The following MICU3 variants were observed in gnomAD, a reference collection of about 807,000 sequenced individuals.
MICU3 encodes calcium uptake protein 3, mitochondrial.
In MICU3, 62 loss-of-function variants were observed where a neutral mutation model predicts 66.5. The observed-to-expected ratio is 0.93, with a 90% CI of 0.76 to 1.15. The LOEUF is 1.15. MICU3 is among the 50% of genes most tolerant of loss of function. The pLI is 0.00. For synonymous variants in MICU3, 308 were observed against 240.7 expected (o/e 1.28, Z -2.59); for missense variants, 779 against 664.4 (o/e 1.17, Z -1.90).
the MICU3 span, among the ~76,000 whole-genome samples, chr8:17,133,495 T>TTA: frequency 1.1e-4 from 16 of 152,186 alleles, no homozygotes; most frequent in South Asian, 2.1e-4. Context: ...TCAGTTTTAT[T>TTA]TATATATATA....
chr8:17,077,771 C>T lies in MICU3; in HGVS notation c.568-12C>T, dbSNP rs1820600085. Reference sequence around the variant, plus strand: ...GTTTACCAATTCATCAGTAGTATAACTTCTGTCATAGGAATTAAATCAAAT... The same window carrying T: ...GTTTACCAATTCATCAGTAGTATAATTTCTGTCATAGGAATTAAATCAAAT... On this transcript the variant is annotated splice_polypyrimidine_tract_variant and intron_variant, in intron 3 of 14. Coordinates refer to ENST00000318063, the MANE Select transcript of MICU3 (RefSeq NM_181723.3). 1.3e-6 allele frequency: 2 copies of T among 1,595,934 alleles called. No homozygotes were observed. Among genetic ancestry groups the T allele is most frequent in the Non-Finnish European group, 1.7e-6 (2 of 1,165,312 alleles).
At chr8:17,105,049 A>G (rs1448493610) in intron 10 of MICU3, among the ~76,000 whole-genome samples, 4 of 149,424 alleles carry the variant, frequency 2.7e-5, no homozygotes, top group Non-Finnish European at 6.0e-5. Context: ...ATTGATTGTT[A>G]TCTCTTGTAT....
intron 2 of MICU3, among the ~76,000 whole-genome samples, chr8:17,065,862 A>G (rs1818591716): frequency 6.6e-6 from 1 of 152,194 alleles, no homozygotes; most frequent in Admixed American, 6.5e-5. Context: ...GGTAGCTGTA[A>G]TGGAATTTGA....
At chr8:17,066,886 T>G (rs1415802353) in intron 2 of MICU3, among the ~76,000 whole-genome samples, 2 of 152,096 alleles carry the variant, frequency 1.3e-5, no homozygotes, top group Admixed American at 1.3e-4. Flanking sequence ...CATTATTTTC[T>G]AGAATTTTTT....
chr8:17,083,291 A>G (rs1821463300), intron 5 of MICU3, among the ~76,000 whole-genome samples: 1 of 152,072 alleles, frequency 6.6e-6, no homozygotes, highest in Non-Finnish European at 1.5e-5. Context: ...CATAGGTCTT[A>G]GGTTTTACAA....
rs1450314172 is a variant in MICU3 at position 17,081,882 on chromosome 8, T to C, written c.694+142T>C. On this transcript the variant is annotated intron_variant, in intron 5 of 14. Transcript: ENST00000318063. ...ATTCATGTTTAATGCTACAGAAAAA[T>C]GCTAAGCATAGCACTGTAAAGAGTC... 3 of 561,832 alleles carry C rather than the reference T, an allele frequency of 5.3e-6. No individual in the cohort carries two copies. The East Asian group carries it at 1.3e-4, about 23-fold the overall frequency. The allele number at this position is 561,832 out of a possible 1,614,324, so 34.8% of individuals were successfully genotyped here. A position where few individuals can be genotyped will look rare whatever the true frequency, so the allele number is the denominator to read the frequency against.
chr8:17,079,443 A>G (rs1820850569), intron 4 of MICU3, among the ~76,000 whole-genome samples: 1 of 152,218 alleles, frequency 6.6e-6, no homozygotes, highest in Non-Finnish European at 1.5e-5. Context: ...TAGAGAAGTT[A>G]GAAGAGCCTT....
chr8:17,133,412 C>G, the MICU3 span, among the ~76,000 whole-genome samples: 4 of 152,178 alleles, frequency 2.6e-5, no homozygotes, highest in African/African-American at 9.6e-5. Flanking sequence ...TGTTCATTCA[C>G]TTTCTTTGTA....
rs570574398 is a variant in MICU3, at chr8:17,120,643, A to C, written c.*356A>C. 3 of 152,470 alleles carry C rather than the reference A, an allele frequency of 2.0e-5. No homozygotes were observed. Among genetic ancestry groups the C allele is most frequent in the Non-Finnish European group, 2.9e-5 (2 of 67,914 alleles). The allele number at this position is 152,470 out of a possible 1,614,324, so 9.4% of individuals were successfully genotyped here. A position where few individuals can be genotyped will look rare whatever the true frequency, so the allele number is the denominator to read the frequency against. On this transcript the variant is annotated 3_prime_UTR_variant, in exon 15 of 15. Transcript: ENST00000318063. ...TTCATTAGAAATTTTCCTCATTTCA[A>C]AATAATTTATGACTCATGGAATGTT...
intron 9 of MICU3, among the ~76,000 whole-genome samples, chr8:17,100,869 T>C (rs1801200123): frequency 1.3e-5 from 2 of 151,764 alleles, no homozygotes; most frequent in African/African-American, 4.8e-5. Context: ...TTGAATACAG[T>C]CTGTCAGTGT....
At chr8:17,045,421 G>T (rs925583295) in intron 1 of MICU3, among the ~76,000 whole-genome samples, 1 of 152,156 alleles carries the variant, frequency 6.6e-6, no homozygotes, top group Non-Finnish European at 1.5e-5. Context: ...GGCCTGCTGG[G>T]TTTAGATCAT....
In MICU3 at chr8:17,035,288, G is replaced by T. The variant is rs189059154; in HGVS notation, c.381+7628G>T. Among the ~76,000 whole-genome samples, 14 of 152,328 alleles carry T rather than the reference G, an allele frequency of 9.2e-5. No individual in the cohort carries two copies. In the East Asian group the frequency reaches 2.7e-3, roughly 29 times the overall value. On this transcript the variant is annotated intron_variant, in intron 1 of 14. Coordinates refer to ENST00000318063, the MANE Select transcript of MICU3 (RefSeq NM_181723.3). Reference sequence around the variant, plus strand: ...AACAGAGTAAATGGATACTGGTAGAGGGGGGTGCTGTTGTAAAGATAACCA... The same window carrying T: ...AACAGAGTAAATGGATACTGGTAGATGGGGGTGCTGTTGTAAAGATAACCA...
intron 1 of MICU3, among the ~76,000 whole-genome samples, chr8:17,056,823 C>G (rs915094472): frequency 6.6e-6 from 1 of 152,184 alleles, no homozygotes; most frequent in Non-Finnish European, 1.5e-5. Context: ...ATCACATATT[C>G]CATTTGATAT....
At chr8:17,034,490 A>T (rs1350043543) in intron 1 of MICU3, among the ~76,000 whole-genome samples, 1 of 152,236 alleles carries the variant, frequency 6.6e-6, no homozygotes, top group South Asian at 2.1e-4. Context: ...GATTCCTCTG[A>T]TGGATCTGGG....
In MICU3 at chr8:17,090,464, G is replaced by A. The variant is rs543011348; in HGVS notation, c.850-82G>A. Reference sequence around the variant, plus strand: ...GCCCTTCCTAATTGATTATTTTGTCGTCTTTTTCCTTTTTTCTTTTGCTGT... The same window carrying A: ...GCCCTTCCTAATTGATTATTTTGTCATCTTTTTCCTTTTTTCTTTTGCTGT... On this transcript the variant is annotated intron_variant, in intron 7 of 14. Transcript: ENST00000318063. The A allele has an allele frequency of 1.1e-4, 134 of 1,207,366 alleles. 1 individual carries two copies. The highest frequency in any genetic ancestry group is 4.5e-4 in the African/African-American group (29 of 64,884). 74.8% of individuals were successfully genotyped at this position (1,207,366 alleles called of 1,614,324 possible).
At chr8:17,034,136 G>A (rs1353700401) in intron 1 of MICU3, among the ~76,000 whole-genome samples, 1 of 152,176 alleles carries the variant, frequency 6.6e-6, no homozygotes, top group African/African-American at 2.4e-5. Flanking sequence ...GAAAATCCTA[G>A]GGCCCTTAAG....
the MICU3 span, among the ~76,000 whole-genome samples, chr8:17,134,661 G>C: frequency 5.3e-5 from 8 of 152,084 alleles, no homozygotes; most frequent in Admixed American, 2.6e-4. Flanking sequence ...AGCCAGGATG[G>C]TCTCAATCTC....
intron 1 of MICU3, among the ~76,000 whole-genome samples, chr8:17,054,930 G>A (rs1189613466): frequency 2.0e-5 from 3 of 151,672 alleles, no homozygotes; most frequent in Non-Finnish European, 4.4e-5. Context: ...GTAGAGATGG[G>A]GTTTCACTAT....
At chr8:17,054,385 A>G (rs960251349) in intron 1 of MICU3, among the ~76,000 whole-genome samples, 1 of 152,178 alleles carries the variant, frequency 6.6e-6, no homozygotes, top group African/African-American at 2.4e-5. Flanking sequence ...TTAAGTTTAT[A>G]TACATATATG....
Sources: allele counts gnomAD v4.1 joint callset (sites outside exome capture counted in the v4.1 genomes callset), GRCh38; gene constraint gnomAD v4.1.1; transcripts MANE v1.5; gene names NCBI Gene and HGNC (gene_info 2026-07-23, HGNC 2026-07-21).